Variants in DCP2 observed in about 807,000 individuals in gnomAD.
DCP2 encodes decapping mRNA 2, also known as m7GpppN-mRNA hydrolase.
In DCP2, 30 loss-of-function variants were observed where a neutral mutation model predicts 56.1. The observed-to-expected ratio is 0.53, with a 90% CI of 0.40 to 0.73. The LOEUF (loss-of-function observed/expected upper bound fraction) is 0.73. Among genes scored for constraint, DCP2 ranks in the 30% least tolerant of loss-of-function variants. The pLI is 0.00. For synonymous variants in DCP2, 197 were observed against 163.3 expected (o/e 1.21, Z -1.57); for missense variants, 533 against 502.7 (o/e 1.06, Z -0.58).
chr5:113,003,882 T>A, intron 7 of DCP2, 60 bp from the exon 8 acceptor site: 1 of 1,550,684 alleles, frequency 6.4e-7, no homozygotes, highest in Non-Finnish European at 8.9e-7. Flanking sequence ...ACTATTAAGG[T>A]GTTAAAAGAA....
At chr5:112,998,464 A>G (rs1464604658) in intron 4 of DCP2, among the ~76,000 whole-genome samples, 2 of 152,122 alleles carry the variant, frequency 1.3e-5, no homozygotes, top group Admixed American at 1.3e-4. Flanking sequence ...ACCTCATAAT[A>G]CTTATATCAT....
At chr5:113,012,487 ACTTT>A (rs917509944) in intron 10 of DCP2, among the ~76,000 whole-genome samples, 5 of 152,210 alleles carry the variant, frequency 3.3e-5, no homozygotes, top group Admixed American at 1.3e-4. Context: ...CTCATTTCAG[ACTTT>A]CTTTCTACCC....
intron 1 of DCP2, among the ~76,000 whole-genome samples, chr5:112,982,636 G>A (rs867650987): frequency 6.6e-6 from 1 of 152,090 alleles, no homozygotes; most frequent in South Asian, 2.1e-4. Flanking sequence ...GCTTCCGTTG[G>A]TTATAGTAAT....
At position 113,013,674 on chromosome 5, in the gene DCP2, T is replaced by C; in HGVS notation, c.*190T>C. On this transcript the variant is annotated 3_prime_UTR_variant, in exon 11 of 11. Coordinates refer to ENST00000389063, the MANE Select transcript of DCP2 (RefSeq NM_152624.6). Reference sequence around the variant, plus strand: ...CACTGTAAATGCAGTTATAACCTTTTATACAGATTTACCTTTTCAGTGTTC... The same window carrying C: ...CACTGTAAATGCAGTTATAACCTTTCATACAGATTTACCTTTTCAGTGTTC... 1.6e-6 allele frequency: 1 copy of C among 607,882 alleles called. No homozygotes were observed. The allele number at this position is 607,882 out of a possible 1,614,324, so 37.7% of individuals were successfully genotyped here.
chr5:113,011,054 G>A (rs1053803904), intron 10 of DCP2, among the ~76,000 whole-genome samples: 2 of 152,156 alleles, frequency 1.3e-5, no homozygotes, highest in Non-Finnish European at 2.9e-5. Context: ...AGTGCTATGC[G>A]TGAATATTTT....
intron 9 of DCP2, among the ~76,000 whole-genome samples, chr5:113,009,943 G>T (rs553782635): frequency 6.8e-6 from 1 of 146,916 alleles, no homozygotes; most frequent in African/African-American, 2.5e-5. Flanking sequence ...TTTGAGACAG[G>T]GTCTCGCTCT....
intron 4 of DCP2, among the ~76,000 whole-genome samples, chr5:112,997,214 G>A (rs1453356291): frequency 6.6e-6 from 1 of 152,222 alleles, no homozygotes; most frequent in East Asian, 1.9e-4. Context: ...GGGGCCTAGT[G>A]TGGGAATGCA....
chr5:112,979,775 A>T (rs1022429892), intron 1 of DCP2, among the ~76,000 whole-genome samples: 5 of 152,212 alleles, frequency 3.3e-5, no homozygotes, highest in Non-Finnish European at 7.3e-5. Context: ...TAAGTTCCTC[A>T]GGCAATTAGC....
chr5:113,005,420 T>G (rs969382654), intron 8 of DCP2, among the ~76,000 whole-genome samples: 4 of 152,180 alleles, frequency 2.6e-5, no homozygotes, highest in African/African-American at 9.7e-5. Context: ...TAGGGAACAT[T>G]GTTAATAATT....
intron 1 of DCP2, chr5:112,984,792 A>G (rs1448860123): frequency 1.4e-5 from 2 of 146,038 alleles, no homozygotes; most frequent in Admixed American, 6.9e-5. Context: ...GCAGCCTTGA[A>G]CACCTCGGCT....
chr5:113,001,484 C>T lies in DCP2; in HGVS notation c.698+15C>T. ...CCCTTTATCAGGTGTGTTCATATTTCTTGAAATGTAACTTTCATGATTGGG... is the reference window on the plus strand; with the variant it reads ...CCCTTTATCAGGTGTGTTCATATTTTTTGAAATGTAACTTTCATGATTGGG... On this transcript the variant is annotated intron_variant, in intron 6 of 10. Coordinates refer to ENST00000389063, the MANE Select transcript of DCP2 (RefSeq NM_152624.6). 6.2e-7 allele frequency: 1 copy of T among 1,610,536 alleles called. No homozygotes were observed. The highest frequency in any genetic ancestry group is 8.5e-7 in the Non-Finnish European group (1 of 1,177,282).
chr5:112,986,112 T>C (rs1748271941), intron 2 of DCP2, 126 bp downstream of exon 2: 1 of 923,992 alleles, frequency 1.1e-6, no homozygotes, highest in South Asian at 2.5e-5. Flanking sequence ...TGCTAAAATT[T>C]GTCAAACATA....
At chr5:112,990,171 A>G (rs1263270037) in intron 2 of DCP2, among the ~76,000 whole-genome samples, 1 of 152,158 alleles carries the variant, frequency 6.6e-6, no homozygotes, top group East Asian at 1.9e-4. Flanking sequence ...AGTTGATGGT[A>G]CATGTGGGAT....
intron 4 of DCP2, 112 bp from the exon 5 acceptor site, chr5:113,000,972 G>A: frequency 9.3e-7 from 1 of 1,071,136 alleles, no homozygotes. Context: ...TCTAGAAATA[G>A]TAAATACAAG....
At chr5:113,000,818 T>C (rs1003401330) in intron 4 of DCP2, among the ~76,000 whole-genome samples, 3 of 152,218 alleles carry the variant, frequency 2.0e-5, no homozygotes, top group African/African-American at 7.2e-5. Flanking sequence ...GATATATAGT[T>C]TGTGTGTGTT....
intron 1 of DCP2, among the ~76,000 whole-genome samples, chr5:112,983,562 C>A (rs987067805): frequency 6.6e-6 from 1 of 152,060 alleles, no homozygotes; most frequent in African/African-American, 2.4e-5. Flanking sequence ...ACTTACGAGA[C>A]CTTTCAGCAC....
chr5:113,006,209 A>G (rs1043432963), intron 8 of DCP2, among the ~76,000 whole-genome samples: 3 of 152,142 alleles, frequency 2.0e-5, no homozygotes, highest in Non-Finnish European at 2.9e-5. Flanking sequence ...CAGACACAAG[A>G]GGATAAATAT....
At chr5:112,984,395 G>A (rs542758871) in intron 1 of DCP2, 1 of 152,184 alleles carries the variant, frequency 6.6e-6, no homozygotes, top group East Asian at 1.9e-4. Context: ...GACTTGAGTT[G>A]TATATACTGG....
At chr5:112,999,486 G>A (rs990100426) in intron 4 of DCP2, among the ~76,000 whole-genome samples, 1 of 151,788 alleles carries the variant, frequency 6.6e-6, no homozygotes, top group African/African-American at 2.4e-5. Flanking sequence ...GCGCCACCCC[G>A]CCTGGCTAAT....
Sources: gnomAD v4.1 joint callset for allele counts (sites outside exome capture counted in the v4.1 genomes callset) on GRCh38, gnomAD v4.1.1 for gene constraint, MANE v1.5 for transcripts, NCBI Gene and HGNC (gene_info 2026-07-23, HGNC 2026-07-21) for gene names.